Variants in CNTNAP2 observed in about 807,000 individuals in gnomAD.
The protein encoded by CNTNAP2 is contactin-associated protein-like 2.
CNTNAP2 carries 98 observed loss-of-function variants against 155.2 expected under a neutral mutation model. The observed-to-expected ratio is 0.63, with a 90% CI of 0.54 to 0.75. CNTNAP2 has a LOEUF of 0.75. Ranked by LOEUF, CNTNAP2 falls within the 30% of genes least tolerant of loss-of-function variation. The probability of loss-of-function intolerance (pLI) is 0.00; values close to 1 mark genes in which losing one functional copy is unlikely to be tolerated. For missense variants in CNTNAP2, 1,727 were observed against 1,688.1 expected (o/e 1.02, Z -0.40); for synonymous variants, 651 against 631.2 (o/e 1.03, Z -0.47).
chr7:146,602,745 A>C (rs1199434116), intron 1 of CNTNAP2, among the ~76,000 whole-genome samples: 1 of 152,184 alleles, frequency 6.6e-6, no homozygotes, highest in African/African-American at 2.4e-5. Flanking sequence ...TTGTGCTAGG[A>C]GTCTCCTTCA....
chr7:147,393,774 A>G (rs826831), intron 9 of CNTNAP2, among the ~76,000 whole-genome samples: 118,779 of 151,824 alleles, frequency 0.78, 47,199 homozygotes, highest in African/African-American at 0.93. Flanking sequence ...AGAGCCTTAC[A>G]TGGATTTTTT....
At chr7:148,072,664 A>G (rs1382819282) in intron 15 of CNTNAP2, among the ~76,000 whole-genome samples, 1 of 152,200 alleles carries the variant, frequency 6.6e-6, no homozygotes, top group Non-Finnish European at 1.5e-5. Flanking sequence ...TCTGACCCTC[A>G]GCACTAGTAA....
intron 10 of CNTNAP2, among the ~76,000 whole-genome samples, chr7:147,485,009 G>A (rs1337997700): frequency 6.6e-6 from 1 of 152,112 alleles, no homozygotes; most frequent in Non-Finnish European, 1.5e-5. Flanking sequence ...ATGGAGACAG[G>A]AATTGATGGG....
At chr7:146,561,835 G>T (rs926672369) in intron 1 of CNTNAP2, among the ~76,000 whole-genome samples, 7 of 152,094 alleles carry the variant, frequency 4.6e-5, no homozygotes. Flanking sequence ...TGTTGCCCAG[G>T]TCATAATACA....
chr7:147,160,067 T>A (rs1405830953), intron 8 of CNTNAP2, among the ~76,000 whole-genome samples: 2 of 152,082 alleles, frequency 1.3e-5, no homozygotes, highest in South Asian at 2.1e-4. Context: ...AAGTTTAATA[T>A]TATTTTTAAC....
chr7:146,488,953 G>C (rs972849355), intron 1 of CNTNAP2, among the ~76,000 whole-genome samples: 1 of 152,178 alleles, frequency 6.6e-6, no homozygotes, highest in African/African-American at 2.4e-5. Context: ...AGAGACAGTA[G>C]TGTTTTCTCA....
intron 15 of CNTNAP2, among the ~76,000 whole-genome samples, chr7:148,064,207 A>C (rs1164414124): frequency 6.6e-6 from 1 of 152,050 alleles, no homozygotes; most frequent in Non-Finnish European, 1.5e-5. Context: ...TGCTTTGGCC[A>C]TGTGGGCTCT....
intron 3 of CNTNAP2, among the ~76,000 whole-genome samples, chr7:146,894,081 T>C (rs1326081321): frequency 2.0e-5 from 3 of 152,222 alleles, no homozygotes; most frequent in Non-Finnish European, 4.4e-5. Context: ...TCGAGCCACC[T>C]GTTGTCCTTC....
At chr7:148,244,108 G>A (rs4725771) in intron 20 of CNTNAP2, among the ~76,000 whole-genome samples, 181 of 152,328 alleles carry the variant, frequency 1.2e-3, no homozygotes, top group African/African-American at 4.1e-3. Flanking sequence ...TATTTTATGC[G>A]TAGGAGAAGG....
chr7:147,157,532 G>A (rs377375108), intron 8 of CNTNAP2, among the ~76,000 whole-genome samples: 2 of 152,282 alleles, frequency 1.3e-5, no homozygotes, highest in South Asian at 2.1e-4. Context: ...CTCTTGTGTA[G>A]TCAAGGCTCA....
chr7:148,288,647 G>T lies in CNTNAP2; in HGVS notation c.3475+21521G>T, dbSNP rs140132499. On this transcript the variant is annotated intron_variant, in intron 21 of 23. Coordinates refer to ENST00000361727, the MANE Select transcript of CNTNAP2 (RefSeq NM_014141.6). The stretch of plus-strand genomic sequence containing the variant: ...CACTAATAATTTGTGGGTCTATTCA[G>T]ATTATATATTACCTAATAATTTTTA... Among the ~76,000 whole-genome samples, 105 of 152,182 alleles carry T rather than the reference G, an allele frequency of 6.9e-4. No individual in the cohort carries two copies. In the East Asian group the frequency reaches 0.018, roughly 26 times the overall value.
At chr7:147,542,852 A>G (rs965643298) in intron 11 of CNTNAP2, among the ~76,000 whole-genome samples, 8 of 152,218 alleles carry the variant, frequency 5.3e-5, no homozygotes, top group Non-Finnish European at 1.0e-4. Flanking sequence ...CCATGTTCAG[A>G]CCTACATATG....
chr7:147,865,651 G>T (rs1360086931), intron 13 of CNTNAP2, among the ~76,000 whole-genome samples: 1 of 152,068 alleles, frequency 6.6e-6, no homozygotes, highest in Non-Finnish European at 1.5e-5. Flanking sequence ...CTGGTTTAGT[G>T]TTGGGAGGGT....
At chr7:147,253,436 C>T (rs1297353457) in intron 8 of CNTNAP2, among the ~76,000 whole-genome samples, 2 of 141,232 alleles carry the variant, frequency 1.4e-5, no homozygotes, top group South Asian at 2.2e-4. Context: ...GATAGAACAT[C>T]GTCTTATTGC....
intron 8 of CNTNAP2, among the ~76,000 whole-genome samples, chr7:147,285,551 A>G (rs953680774): frequency 1.3e-5 from 2 of 151,998 alleles, no homozygotes; most frequent in Admixed American, 6.6e-5. Flanking sequence ...ACCTTGTCTA[A>G]ATTGTCATTA....
chr7:147,268,666 A>G (rs1298295609), intron 8 of CNTNAP2, among the ~76,000 whole-genome samples: 2 of 151,938 alleles, frequency 1.3e-5, no homozygotes, highest in South Asian at 4.1e-4. Context: ...TTATAATGAT[A>G]ATAAAAAAAA....
At chr7:146,530,511 AG>A (rs1372752687) in intron 1 of CNTNAP2, among the ~76,000 whole-genome samples, 3 of 152,206 alleles carry the variant, frequency 2.0e-5, no homozygotes, top group Middle Eastern at 3.2e-3. Flanking sequence ...GTAATCTATA[AG>A]GGGCTTAAAC....
At chr7:148,055,322 G>A (rs907856030) in intron 15 of CNTNAP2, among the ~76,000 whole-genome samples, 3 of 152,142 alleles carry the variant, frequency 2.0e-5, no homozygotes, top group East Asian at 1.9e-4. Context: ...GAAGTGCGTT[G>A]GGTTGGACTC....
At chr7:146,235,734 C>T (rs1312432287) in intron 1 of CNTNAP2, among the ~76,000 whole-genome samples, 1 of 152,034 alleles carries the variant, frequency 6.6e-6, no homozygotes, top group East Asian at 1.9e-4. Context: ...GTCAGGAGTG[C>T]ACCACAGTGA....
Sources: gnomAD v4.1 joint callset for allele counts (sites outside exome capture counted in the v4.1 genomes callset) on GRCh38, gnomAD v4.1.1 for gene constraint, MANE v1.5 for transcripts, NCBI Gene and HGNC (gene_info 2026-07-23, HGNC 2026-07-21) for gene names.